The following SWAP70 variants were observed in gnomAD, a reference collection of about 807,000 sequenced individuals.
SWAP70 encodes the protein switching B cell complex subunit SWAP70.
Under a neutral mutation model 80.2 loss-of-function variants are expected in SWAP70, and 34 were observed. The observed-to-expected ratio is 0.42, with a 90% CI of 0.32 to 0.56. SWAP70 has a LOEUF of 0.56. Among genes scored for constraint, SWAP70 ranks in the 20% least tolerant of loss-of-function variants. SWAP70 has a pLI of 0.09. For missense variants in SWAP70, 578 were observed against 690.7 expected, an observed-to-expected ratio of 0.84 and a Z score of 1.83; for synonymous variants, 239 against 238.5, an observed-to-expected ratio of 1.00 and a Z score of -0.02.
intron 9 of SWAP70, among the ~76,000 whole-genome samples, chr11:9,743,180 G>T (rs1196918117): frequency 6.7e-6 from 1 of 148,864 alleles, no homozygotes; most frequent in Non-Finnish European, 1.5e-5. Flanking sequence ...ATAGTTTACT[G>T]AGAATGATGA....
intron 1 of SWAP70, among the ~76,000 whole-genome samples, chr11:9,689,284 A>G (rs769551628): frequency 8.5e-5 from 13 of 152,212 alleles, no homozygotes; most frequent in Non-Finnish European, 1.8e-4. Flanking sequence ...CTGGAGTAAA[A>G]TGCTCAAAAG....
chr11:9,714,634 TA>T (rs1413661211), intron 3 of SWAP70, among the ~76,000 whole-genome samples: 1 of 151,760 alleles, frequency 6.6e-6, no homozygotes, highest in Admixed American at 6.6e-5. Context: ...TTTTGGCCAA[TA>T]GTGAAGGCAG....
chr11:9,718,681 C>CTT (rs1851095941), intron 3 of SWAP70, among the ~76,000 whole-genome samples: 1 of 151,986 alleles, frequency 6.6e-6, no homozygotes, highest in African/African-American at 2.4e-5. Context: ...AACTTGTTAT[C>CTT]AGTAGTTTTT....
chr11:9,724,164 A>G (rs1254745159), intron 3 of SWAP70, among the ~76,000 whole-genome samples: 2 of 152,206 alleles, frequency 1.3e-5, no homozygotes, highest in Non-Finnish European at 2.9e-5. Flanking sequence ...TAGGTATTCC[A>G]CCATTATTTA....
At chr11:9,718,201 C>T (rs1156656016) in intron 3 of SWAP70, among the ~76,000 whole-genome samples, 1 of 152,192 alleles carries the variant, frequency 6.6e-6, no homozygotes, top group East Asian at 1.9e-4. Flanking sequence ...AGGCAGCATA[C>T]CTTGTCATGT....
intron 3 of SWAP70, among the ~76,000 whole-genome samples, chr11:9,718,073 G>C (rs1324638472): frequency 1.3e-5 from 2 of 152,192 alleles, no homozygotes; most frequent in East Asian, 3.8e-4. Context: ...CCCAGCCAAG[G>C]CTCCTGGCAT....
In SWAP70 at chr11:9,750,200, G is replaced by A; in HGVS notation, c.*230G>A. On this transcript the variant is annotated 3_prime_UTR_variant, in exon 12 of 12. Transcript: ENST00000318950. ...TAAAAATACAAAAAAAATTAGCTGA[G>A]CGTGGTGGCGGGCGCCTGTAATCCC... The A allele has an allele frequency of 3.6e-6, 1 of 281,152 alleles. No homozygotes were observed. 17.4% of individuals were successfully genotyped at this position (281,152 alleles called of 1,614,324 possible).
In SWAP70 at chr11:9,750,103, C is replaced by T. The variant is rs1054660564; in HGVS notation, c.*133C>T. On this transcript the variant is annotated 3_prime_UTR_variant, in exon 12 of 12. Coordinates refer to ENST00000318950, the MANE Select transcript of SWAP70 (RefSeq NM_015055.4). ...CTGTAATCCCAGCACTTTGGGAGGCCGAGGCGGGTGGATCACCTGAGGTCA... is the reference window on the plus strand; with the variant it reads ...CTGTAATCCCAGCACTTTGGGAGGCTGAGGCGGGTGGATCACCTGAGGTCA... The T allele has an allele frequency of 3.0e-5, 16 of 524,934 alleles. No individual in the cohort carries two copies. Among genetic ancestry groups the T allele is most frequent in the Middle Eastern group, 4.4e-4 (1 of 2,264 alleles). The allele number at this position is 524,934 out of a possible 1,614,324, so 32.5% of individuals were successfully genotyped here. A position where few individuals can be genotyped will look rare whatever the true frequency, so the allele number is the denominator to read the frequency against.
In SWAP70 at chr11:9,750,060, G is replaced by A. The variant is rs372031617; in HGVS notation, c.*90G>A. On this transcript the variant is annotated 3_prime_UTR_variant, in exon 12 of 12. Transcript: ENST00000318950. The stretch of plus-strand genomic sequence containing the variant: ...GACAAAAGAAACAGCTTTGGGGGCC[G>A]GGCGTGGTGGCTCACGCCTGTAATC... The A allele has an allele frequency of 4.2e-3, 3,834 of 910,024 alleles. 16 individuals carry two copies. Among genetic ancestry groups the A allele is most frequent in the Middle Eastern group, 1.0e-2 (43 of 4,304 alleles). The allele number at this position is 910,024 out of a possible 1,614,324, so 56.4% of individuals were successfully genotyped here.
At chr11:9,717,758 G>A (rs1363802928) in intron 3 of SWAP70, among the ~76,000 whole-genome samples, 1 of 152,094 alleles carries the variant, frequency 6.6e-6, no homozygotes, top group African/African-American at 2.4e-5. Context: ...GATGTGGGGT[G>A]GGTCTCTTAC....
intron 3 of SWAP70, among the ~76,000 whole-genome samples, chr11:9,722,914 A>C (rs1851158301): frequency 6.6e-6 from 1 of 152,240 alleles, no homozygotes; most frequent in Admixed American, 6.5e-5. Flanking sequence ...CACAAAGCTT[A>C]AATATTTACT....
At chr11:9,747,574 T>C (rs1467491788) in intron 9 of SWAP70, among the ~76,000 whole-genome samples, 2 of 152,220 alleles carry the variant, frequency 1.3e-5, no homozygotes, top group Non-Finnish European at 2.9e-5. Context: ...ATTGAGAAAA[T>C]ACACTTGACT....
chr11:9,722,964 ATGGTATTGG>A (rs1290807154), intron 3 of SWAP70, among the ~76,000 whole-genome samples: 4 of 152,156 alleles, frequency 2.6e-5, no homozygotes, highest in Non-Finnish European at 4.4e-5. Context: ...CCCCTGATCT[ATGGTATTGG>A]TGGTATTGGT....
At chr11:9,677,048 CTTT>C (rs1008591382) in intron 1 of SWAP70, among the ~76,000 whole-genome samples, 1 of 143,488 alleles carries the variant, frequency 7.0e-6, no homozygotes. Context: ...GTATTTCTCT[CTTT>C]TTTTTTTTTA....
chr11:9,719,940 A>C, intron 3 of SWAP70: 3 of 278,080 alleles, frequency 1.1e-5, no homozygotes, highest in Non-Finnish European at 1.6e-5. Flanking sequence ...CATTTTTAAT[A>C]AAATAAATTT....
intron 1 of SWAP70, among the ~76,000 whole-genome samples, chr11:9,673,417 T>C (rs1180429355): frequency 6.6e-6 from 1 of 152,212 alleles, no homozygotes; most frequent in Non-Finnish European, 1.5e-5. Context: ...GGTACATGAA[T>C]GAGTTCTCAT....
intron 9 of SWAP70, chr11:9,741,032 G>T (rs192529001): frequency 6.5e-6 from 1 of 153,456 alleles, no homozygotes; most frequent in African/African-American, 2.4e-5. Flanking sequence ...ATTATTTAAG[G>T]TGTCTGGGAT....
intron 9 of SWAP70, among the ~76,000 whole-genome samples, chr11:9,742,631 G>A (rs1054934429): frequency 6.6e-6 from 1 of 152,244 alleles, no homozygotes; most frequent in Admixed American, 6.5e-5. Context: ...CACCACGCCC[G>A]GCCTAGTGGT....
intron 2 of SWAP70, among the ~76,000 whole-genome samples, chr11:9,707,021 A>G (rs950230656): frequency 5.3e-5 from 8 of 151,976 alleles, no homozygotes; most frequent in Admixed American, 2.6e-4. Context: ...CATTCGGTAT[A>G]GTGTATGGTA....
Sources: gnomAD v4.1 joint callset for allele counts (sites outside exome capture counted in the v4.1 genomes callset) on GRCh38, gnomAD v4.1.1 for gene constraint, MANE v1.5 for transcripts, NCBI Gene and HGNC (gene_info 2026-07-23, HGNC 2026-07-21) for gene names.